Variants in LRRK1 observed in about 807,000 individuals in gnomAD.
LRRK1 encodes leucine-rich repeat serine/threonine-protein kinase 1.
Under a neutral mutation model 209.1 loss-of-function variants are expected in LRRK1, and 113 were observed. The observed-to-expected ratio is 0.54, with a 90% CI of 0.46 to 0.63. The LOEUF (loss-of-function observed/expected upper bound fraction) is 0.63, where lower values mean the gene tolerates loss of function less well. Ranked by LOEUF, LRRK1 falls within the 30% of genes least tolerant of loss-of-function variation. The pLI is 0.00. For missense variants in LRRK1, 2,284 were observed against 2,632.2 expected, an observed-to-expected ratio of 0.87 and a Z score of 2.89; for synonymous variants, 1,144 against 1,099.7, an observed-to-expected ratio of 1.04 and a Z score of -0.80.
intron 6 of LRRK1, among the ~76,000 whole-genome samples, chr15:100,992,742 C>T (rs2032212553): frequency 2.0e-5 from 3 of 152,306 alleles, no homozygotes; most frequent in Middle Eastern, 3.4e-3. Flanking sequence ...GGTCTCAGCT[C>T]ACTGTAACCT....
At chr15:101,045,473 A>C (rs1230673974) in intron 20 of LRRK1, among the ~76,000 whole-genome samples, 1 of 152,248 alleles carries the variant, frequency 6.6e-6, no homozygotes, top group Admixed American at 6.5e-5. Flanking sequence ...AAACAGGCCT[A>C]TTCTAACTTT....
intron 7 of LRRK1, among the ~76,000 whole-genome samples, chr15:101,009,412 A>G (rs940773429): frequency 1.6e-4 from 24 of 152,110 alleles, no homozygotes; most frequent in Admixed American, 1.1e-3. Flanking sequence ...TCTGCCTTCC[A>G]GGGAAAGTGG....
At chr15:100,984,943 A>G (rs2031790858) in intron 4 of LRRK1, among the ~76,000 whole-genome samples, 1 of 152,176 alleles carries the variant, frequency 6.6e-6, no homozygotes, top group Non-Finnish European at 1.5e-5. Context: ...AGGGCCCTGC[A>G]CCTAGAAGGG....
rs1252108569 is a variant in LRRK1 at position 100,919,480 on chromosome 15, G to C, written c.-123+29G>C. ...AGCGCCGCTCCTGCCGGCGCCCCCC[G>C]GCGGCCTGGCTGCCTCCCGGCCCCG... On this transcript the variant is annotated intron_variant, in intron 1 of 33. Coordinates refer to ENST00000388948, the MANE Select transcript of LRRK1 (RefSeq NM_024652.6). This position sits in a 1 kb window ranked among gnomAD's most constrained non-coding sequence, Gnocchi z 5.8. 2.7e-5 allele frequency: 4 copies of C among 147,602 alleles called. No individual in the cohort carries two copies. Among genetic ancestry groups the C allele is most frequent in the African/African-American group, 7.3e-5 (3 of 40,914 alleles). The allele number at this position is 147,602 out of a possible 1,614,324, so 9.1% of individuals were successfully genotyped here.
chr15:100,959,496 G>A (rs543704376), intron 2 of LRRK1, among the ~76,000 whole-genome samples: 2 of 152,266 alleles, frequency 1.3e-5, no homozygotes, highest in East Asian at 1.9e-4. Flanking sequence ...GGAGAATTTC[G>A]AGAAGCATGG....
chr15:101,052,611 A>C (rs2035525753), intron 24 of LRRK1, among the ~76,000 whole-genome samples: 1 of 152,236 alleles, frequency 6.6e-6, no homozygotes, highest in Admixed American at 6.5e-5. Flanking sequence ...CTTTCAGAAG[A>C]AAACTTCCAA....
chr15:100,979,766 G>A (rs1346013960), intron 3 of LRRK1, among the ~76,000 whole-genome samples: 1 of 152,166 alleles, frequency 6.6e-6, no homozygotes. Context: ...AAATGTATGA[G>A]ATATGTGAAG....
chr15:101,012,377 C>G (rs185848381), intron 10 of LRRK1, among the ~76,000 whole-genome samples: 2 of 152,176 alleles, frequency 1.3e-5, no homozygotes, highest in African/African-American at 4.8e-5. Flanking sequence ...TCGTATCCCT[C>G]GGGACTTTCT....
chr15:100,996,876 T>C (rs563260247), intron 6 of LRRK1, among the ~76,000 whole-genome samples: 1 of 152,082 alleles, frequency 6.6e-6, no homozygotes, highest in Admixed American at 6.5e-5. Context: ...TTATTTGAAC[T>C]TCAGTGACAA....
chr15:100,949,886 CA>C (rs931438077), intron 2 of LRRK1, among the ~76,000 whole-genome samples: 16 of 147,622 alleles, frequency 1.1e-4, no homozygotes, highest in South Asian at 2.1e-4. Context: ...CATCTGTTAA[CA>C]AAAAAAAAAC....
At chr15:100,924,486 T>A in intron 1 of LRRK1, 25 bp from the exon 2 acceptor site, 1 of 634,214 alleles carries the variant, frequency 1.6e-6, no homozygotes, top group Non-Finnish European at 2.9e-6. Flanking sequence ...AAAGGCTTTC[T>A]GTTTTGATTG....
intron 2 of LRRK1, among the ~76,000 whole-genome samples, chr15:100,951,302 C>T (rs1383309356): frequency 6.6e-6 from 1 of 152,078 alleles, no homozygotes; most frequent in Non-Finnish European, 1.5e-5. Flanking sequence ...AAGCGGTAGT[C>T]AGGATATGGA....
intron 2 of LRRK1, among the ~76,000 whole-genome samples, chr15:100,954,614 G>A (rs568365799): frequency 6.6e-6 from 1 of 152,148 alleles, no homozygotes; most frequent in African/African-American, 2.4e-5. Context: ...TCTCCTAGGA[G>A]TTTTACTGTT....
At chr15:100,927,891 G>C (rs2042142816) in intron 2 of LRRK1, among the ~76,000 whole-genome samples, 1 of 152,172 alleles carries the variant, frequency 6.6e-6, no homozygotes, top group African/African-American at 2.4e-5. Context: ...AGCCTACAGT[G>C]CTCCCTCTGT....
chr15:100,960,917 G>A (rs975633387), intron 2 of LRRK1, among the ~76,000 whole-genome samples: 1 of 152,144 alleles, frequency 6.6e-6, no homozygotes, highest in African/African-American at 2.4e-5. Context: ...ATGAGACAGG[G>A]TCATCTCATG....
In LRRK1 at chr15:101,010,857, T is replaced by C. The variant is rs559525656; in HGVS notation, c.1281+20T>C. The C allele has an allele frequency of 2.5e-6, 4 of 1,600,532 alleles. No homozygotes were observed. In the East Asian group the frequency reaches 8.9e-5, roughly 36 times the overall value. ...CCTTTGGTGAGTATCACACCAAAAG[T>C]CATGAAAGCCACAGTCAACTCTGCC... On this transcript the variant is annotated intron_variant, in intron 9 of 33. Coordinates refer to ENST00000388948, the MANE Select transcript of LRRK1 (RefSeq NM_024652.6).
chr15:100,996,039 G>A (rs2032393227), intron 6 of LRRK1, among the ~76,000 whole-genome samples: 1 of 152,358 alleles, frequency 6.6e-6, no homozygotes, highest in African/African-American at 2.4e-5. Flanking sequence ...GCGTTTTACT[G>A]GGGCCATGCA....
At chr15:101,028,396 G>A (rs1478957905) in intron 19 of LRRK1, among the ~76,000 whole-genome samples, 1 of 152,202 alleles carries the variant, frequency 6.6e-6, no homozygotes, top group Non-Finnish European at 1.5e-5. Context: ...AAGGCACATC[G>A]CAGCCTTCTC....
chr15:100,937,425 T>A (rs8028998), intron 2 of LRRK1, among the ~76,000 whole-genome samples: 54,162 of 151,968 alleles, frequency 0.36, 12,257 homozygotes, highest in African/African-American at 0.64. Flanking sequence ...GGACTCAAAA[T>A]GGCACATTTT....
Sources: gnomAD v4.1 joint callset for allele counts (sites outside exome capture counted in the v4.1 genomes callset) on GRCh38, gnomAD v4.1.1 for gene constraint, Gnocchi (gnomAD v3.1) non-coding constraint, MANE v1.5 for transcripts, NCBI Gene and HGNC (gene_info 2026-07-23, HGNC 2026-07-21) for gene names.